Variants in ASCC1 observed in about 807,000 individuals in gnomAD.
ASCC1 encodes the protein activating signal cointegrator 1 complex subunit 1.
In ASCC1, 35 loss-of-function variants were observed where a neutral mutation model predicts 46.6. That is an observed-to-expected ratio of 0.75 (90% CI 0.57 to 0.99). The LOEUF is 0.99. Ranked by LOEUF, ASCC1 falls within the 50% of genes least tolerant of loss-of-function variation. The pLI, the probability that ASCC1 is intolerant of heterozygous loss-of-function variation, is 0.00. For missense variants in ASCC1, 376 were observed against 428.7 expected (o/e 0.88, Z 1.09); for synonymous variants, 143 against 146.6 (o/e 0.98, Z 0.18).
intron 3 of ASCC1, among the ~76,000 whole-genome samples, chr10:72,207,418 T>C (rs1310405411): frequency 6.6e-6 from 1 of 152,084 alleles, no homozygotes; most frequent in Non-Finnish European, 1.5e-5. Flanking sequence ...CGTCTCAAAA[T>C]AATAAAATAA....
intron 9 of ASCC1, among the ~76,000 whole-genome samples, chr10:72,106,006 C>G (rs930803270): frequency 1.3e-5 from 2 of 152,082 alleles, no homozygotes; most frequent in Non-Finnish European, 2.9e-5. Flanking sequence ...CGCAACAGCA[C>G]AGTGACAATC....
At chr10:72,201,031 C>T (rs1462829304) in intron 4 of ASCC1, among the ~76,000 whole-genome samples, 3 of 152,194 alleles carry the variant, frequency 2.0e-5, no homozygotes, top group South Asian at 4.1e-4. Context: ...CTGACACGTG[C>T]GGCTCCTGTG....
chr10:72,138,941 A>G (rs1251543359), intron 7 of ASCC1, among the ~76,000 whole-genome samples: 1 of 152,000 alleles, frequency 6.6e-6, no homozygotes, highest in African/African-American at 2.4e-5. Context: ...CTCTGCACCT[A>G]AACTAATGCC....
intron 9 of ASCC1, among the ~76,000 whole-genome samples, chr10:72,117,247 T>C (rs959252717): frequency 6.6e-6 from 1 of 152,244 alleles, no homozygotes; most frequent in African/African-American, 2.4e-5. Flanking sequence ...TTGTGACTGG[T>C]TTCCTCTTAT....
chr10:72,096,211 G>A lies in ASCC1; in HGVS notation c.*1123C>T, dbSNP rs1252612826. The A allele has an allele frequency of 2.2e-6, 1 of 454,046 alleles. No homozygotes were observed. The allele number at this position is 454,046 out of a possible 1,614,324, so 28.1% of individuals were successfully genotyped here. On this transcript the variant is annotated 3_prime_UTR_variant, in exon 10 of 10. Coordinates refer to ENST00000672957, the MANE Select transcript of ASCC1 (RefSeq NM_001198800.3). ...GGAGAAGAAGGAGAGGACATGGAGG[G>A]AGGAAGAATGTGAGGAGGCAGGGGT...
intron 7 of ASCC1, among the ~76,000 whole-genome samples, chr10:72,139,108 CTTTTTCT>C (rs1846641413): frequency 1.4e-5 from 2 of 144,770 alleles, no homozygotes; most frequent in African/African-American, 5.3e-5. Flanking sequence ...TTTCTTTTTT[CTTTTTCT>C]TTTTTTTTTT....
At chr10:72,113,363 T>C (rs1261173711) in intron 9 of ASCC1, among the ~76,000 whole-genome samples, 1 of 152,226 alleles carries the variant, frequency 6.6e-6, no homozygotes, top group Non-Finnish European at 1.5e-5. Flanking sequence ...GAACATGAAT[T>C]CAAAAGAGAG....
intron 9 of ASCC1, among the ~76,000 whole-genome samples, chr10:72,110,716 G>A (rs1842835232): frequency 6.6e-6 from 1 of 152,210 alleles, no homozygotes; most frequent in Non-Finnish European, 1.5e-5. Flanking sequence ...GAACCCGGGA[G>A]GCGGAGGTTG....
rs1375792488 is a variant in ASCC1, at chr10:72,097,068, G to C, written c.*266C>G. 6 of 499,876 alleles carry C rather than the reference G, an allele frequency of 1.2e-5. No individual in the cohort carries two copies. Among genetic ancestry groups the C allele is most frequent in the African/African-American group, 1.2e-4 (6 of 51,738 alleles). 31.0% of individuals were successfully genotyped at this position (499,876 alleles called of 1,614,324 possible). A position where few individuals can be genotyped will look rare whatever the true frequency, so the allele number is the denominator to read the frequency against. ...ATGGTGAAGACAGTATGTTTTATGAGTATTTTACGACAATTTAAAAATTAA... is the reference window on the plus strand; with the variant it reads ...ATGGTGAAGACAGTATGTTTTATGACTATTTTACGACAATTTAAAAATTAA... On this transcript the variant is annotated 3_prime_UTR_variant, in exon 10 of 10. Transcript: ENST00000672957.
chr10:72,096,160 G>T lies in ASCC1; in HGVS notation c.*1174C>A, dbSNP rs765071192. 148 of 454,124 alleles carry T rather than the reference G, an allele frequency of 3.3e-4. 3 individuals carry two copies. The highest frequency in any genetic ancestry group is 2.2e-3 in the South Asian group (145 of 64,480). 28.1% of individuals were successfully genotyped at this position (454,124 alleles called of 1,614,324 possible). A position where few individuals can be genotyped will look rare whatever the true frequency, so the allele number is the denominator to read the frequency against. On this transcript the variant is annotated 3_prime_UTR_variant, in exon 10 of 10. Transcript: ENST00000672957. ...AGTGCAGTTAAAGAATATAAAGAGA[G>T]AAAGAATCAAGGCAAGAATAAGGAA...
intron 9 of ASCC1, chr10:72,102,397 T>C (rs1191119362): frequency 1.3e-6 from 2 of 1,550,022 alleles, no homozygotes; most frequent in East Asian, 2.4e-5. Context: ...GCTCTGAGAA[T>C]ATGCATCAGA....
intron 7 of ASCC1, among the ~76,000 whole-genome samples, chr10:72,141,102 G>GAGATAT (rs1214465500): frequency 1.3e-5 from 2 of 151,338 alleles, no homozygotes; most frequent in Non-Finnish European, 3.0e-5. Context: ...TATAGACATA[G>GAGATAT]AGATATAGAT....
chr10:72,138,005 C>T (rs530734905), intron 7 of ASCC1, among the ~76,000 whole-genome samples: 45 of 152,242 alleles, frequency 3.0e-4, no homozygotes, highest in African/African-American at 1.0e-3. Flanking sequence ...GCTGGGATTA[C>T]AGGCGTGTGC....
chr10:72,203,897 T>C (rs1057191880), intron 3 of ASCC1, among the ~76,000 whole-genome samples: 3 of 152,142 alleles, frequency 2.0e-5, no homozygotes, highest in Non-Finnish European at 4.4e-5. Flanking sequence ...GTGGGAGAAC[T>C]GCTTGAGACC....
At chr10:72,215,232 C>G (rs1405156268) in intron 1 of ASCC1, among the ~76,000 whole-genome samples, 2 of 152,140 alleles carry the variant, frequency 1.3e-5, no homozygotes, top group Admixed American at 6.6e-5. Flanking sequence ...AACCCCGTCT[C>G]TACTGAAAAT....
intron 6 of ASCC1, among the ~76,000 whole-genome samples, chr10:72,154,497 T>G (rs549428151): frequency 2.6e-5 from 4 of 151,482 alleles, no homozygotes; most frequent in South Asian, 2.1e-4. Context: ...CATAGGGTTT[T>G]TTTTTTTTTT....
Position 72,096,152 on chromosome 10 carries a change from TAA to T in ASCC1, c.*1180_*1181del, listed in dbSNP as rs1491337130. Reference sequence around the variant, plus strand: ...AGTTCAGAAGTGCAGTTAAAGAATATAAAGAGAGAAAGAATCAAGGCAAGAAT... The same window carrying T: ...AGTTCAGAAGTGCAGTTAAAGAATATAGAGAGAAAGAATCAAGGCAAGAAT... On this transcript the variant is annotated 3_prime_UTR_variant, in exon 10 of 10. Transcript: ENST00000672957. 2.2e-6 allele frequency: 1 copy of T among 453,578 alleles called. No individual in the cohort carries two copies. The allele number at this position is 453,578 out of a possible 1,614,324, so 28.1% of individuals were successfully genotyped here.
rs143452928 is a variant in ASCC1, at chr10:72,128,771, G to A, written c.872-604C>T. 2.5e-3 allele frequency among the ~76,000 whole-genome samples: 375 copies of A among 152,156 alleles called. 3 individuals are homozygous for A. The highest frequency in any genetic ancestry group is 6.8e-3 in the Middle Eastern group (2 of 294). ...CTAGCTTCTTAAGTTAATTTGGGTTGCATATCTCAAAAGACATCCTTAAAG... is the reference window on the plus strand; with the variant it reads ...CTAGCTTCTTAAGTTAATTTGGGTTACATATCTCAAAAGACATCCTTAAAG... On this transcript the variant is annotated intron_variant, in intron 8 of 9. Coordinates refer to ENST00000672957, the MANE Select transcript of ASCC1 (RefSeq NM_001198800.3).
intron 5 of ASCC1, among the ~76,000 whole-genome samples, chr10:72,165,404 C>G (rs748336709): frequency 6.6e-6 from 1 of 152,254 alleles, no homozygotes; most frequent in Non-Finnish European, 1.5e-5. Flanking sequence ...GCATGAGCCA[C>G]CGCGCCCGGC....
Sources: gnomAD v4.1 joint callset for allele counts (sites outside exome capture counted in the v4.1 genomes callset) on GRCh38, gnomAD v4.1.1 for gene constraint, MANE v1.5 for transcripts, NCBI Gene and HGNC (gene_info 2026-07-23, HGNC 2026-07-21) for gene names.